The following SPATC1L variants were observed in gnomAD, a reference collection of about 807,000 sequenced individuals.
The protein encoded by SPATC1L is spermatogenesis and centriole associated 1 like.
A neutral mutation model predicts 21.2 loss-of-function variants in SPATC1L; 20 were observed. That is an observed-to-expected ratio of 0.94 (90% CI 0.66 to 1.37). The LOEUF is 1.37. Among genes scored for constraint, SPATC1L ranks in the 40% most tolerant of loss-of-function variants. SPATC1L has a pLI of 0.00. For synonymous variants in SPATC1L, 290 were observed against 234.5 expected, an observed-to-expected ratio of 1.24 and a Z score of -2.16; for missense variants, 499 against 478.7, an observed-to-expected ratio of 1.04 and a Z score of -0.40.
chr21:46,183,974 G>A (rs370494940), intron 1 of SPATC1L, among the ~76,000 whole-genome samples, 200 bp from the exon 2 acceptor site: 12 of 147,600 alleles, frequency 8.1e-5, no homozygotes, highest in African/African-American at 2.2e-4. Flanking sequence ...CCAGTCTTGC[G>A]GGGGAGACCA....
chr21:46,175,399 T>C (rs1569002910), intron 2 of SPATC1L, among the ~76,000 whole-genome samples: 1 of 151,910 alleles, frequency 6.6e-6, no homozygotes, highest in East Asian at 1.9e-4. Flanking sequence ...ATTAATAAAA[T>C]AGATATACCA....
intron 2 of SPATC1L, among the ~76,000 whole-genome samples, chr21:46,171,495 GA>G (rs1180160371): frequency 1.1e-4 from 17 of 151,626 alleles, no homozygotes; most frequent in Admixed American, 3.3e-4. Context: ...GTTTTCCAAG[GA>G]AAAAAAGTTC....
chr21:46,162,145 G>T lies in SPATC1L; in HGVS notation c.545-78C>A, dbSNP rs927821318. On this transcript the variant is annotated intron_variant, in intron 3 of 4. Coordinates refer to ENST00000291672, the MANE Select transcript of SPATC1L (RefSeq NM_001142854.2). The stretch of plus-strand genomic sequence containing the variant: ...CCTCGAGGGTGCCCTCGGCCACGTG[G>T]GGGGCGGCTCCTCCACCCCCCTCCT... 4.2e-6 allele frequency: 6 copies of T among 1,440,404 alleles called. No homozygotes were observed. The South Asian group carries it at 8.1e-5, about 19-fold the overall frequency. 89.2% of individuals were successfully genotyped at this position (1,440,404 alleles called of 1,614,324 possible).
chr21:46,169,162 C>A (rs1311533305), intron 2 of SPATC1L, among the ~76,000 whole-genome samples: 5 of 152,268 alleles, frequency 3.3e-5, no homozygotes, highest in Non-Finnish European at 5.9e-5. Flanking sequence ...ATTTTTAACC[C>A]TTGCCCTATT....
intron 2 of SPATC1L, among the ~76,000 whole-genome samples, chr21:46,170,968 A>G (rs1417486658): frequency 1.8e-4 from 24 of 134,638 alleles, no homozygotes; most frequent in Non-Finnish European, 1.6e-4. Context: ...TGCTCTGTAA[A>G]CATCCTCTGT....
chr21:46,161,273 CGG>C lies in SPATC1L; in HGVS notation c.*104_*105del. 8.8e-7 allele frequency: 1 copy of C among 1,138,312 alleles called. No individual in the cohort carries two copies. The highest frequency in any genetic ancestry group is 2.8e-4 in the Middle Eastern group (1 of 3,568). 70.5% of individuals were successfully genotyped at this position (1,138,312 alleles called of 1,614,324 possible). A position where few individuals can be genotyped will look rare whatever the true frequency, so the allele number is the denominator to read the frequency against. ...GCGGGGCCTTCTCTGGCCTCGCGCG[CGG>C]GGGACGCGGCCCTTTCCCCTCCGGG... On this transcript the variant is annotated 3_prime_UTR_variant, in exon 5 of 5. Transcript: ENST00000291672.
At chr21:46,174,169 A>T (rs2079612322) in intron 2 of SPATC1L, among the ~76,000 whole-genome samples, 1 of 152,008 alleles carries the variant, frequency 6.6e-6, no homozygotes, top group Non-Finnish European at 1.5e-5. Flanking sequence ...CTCTACTAAA[A>T]AATAGAAAAA....
rs753513638 is a variant in SPATC1L at position 46,168,302 on chromosome 21, C to T, written c.544+6G>A. On this transcript the variant is annotated splice_donor_region_variant and intron_variant, in intron 3 of 4. Coordinates refer to ENST00000291672, the MANE Select transcript of SPATC1L (RefSeq NM_001142854.2). ...CCCCCCCAGGTGCCCCCGCACCCGGCCATACCATTGAGGTAGTAGCTCCTC... is the reference window on the plus strand; with the variant it reads ...CCCCCCCAGGTGCCCCCGCACCCGGTCATACCATTGAGGTAGTAGCTCCTC... 7.0e-6 allele frequency: 11 copies of T among 1,562,800 alleles called. No homozygotes were observed. The Admixed American group carries it at 1.2e-4, about 17-fold the overall frequency.
chr21:46,182,561 C>G, intron 2 of SPATC1L, 63 bp downstream of exon 2: 1 of 1,395,212 alleles, frequency 7.2e-7, no homozygotes, highest in Non-Finnish European at 9.4e-7. Flanking sequence ...CCTCGACTCC[C>G]GGGGAGCAGG....
intron 3 of SPATC1L, among the ~76,000 whole-genome samples, chr21:46,164,877 A>C (rs74406848): frequency 0.1 from 15,795 of 151,734 alleles, 1,442 homozygotes; most frequent in African/African-American, 0.24. Context: ...ATCCTATAGA[A>C]GAGAAATGAT....
At chr21:46,162,981 C>T (rs902017376) in intron 3 of SPATC1L, among the ~76,000 whole-genome samples, 2 of 151,424 alleles carry the variant, frequency 1.3e-5, no homozygotes, top group African/African-American at 4.8e-5. Context: ...CCAGGACAGC[C>T]TCTGATGGCA....
chr21:46,161,606 A>T lies in SPATC1L; in HGVS notation c.796T>A (p.Tyr266Asn). The T allele has an allele frequency of 6.2e-7, 1 of 1,610,532 alleles. No individual in the cohort carries two copies. The highest frequency in any genetic ancestry group is 8.5e-7 in the Non-Finnish European group (1 of 1,179,084). ...AACGCCGGGTGCACGTCGCGGCTGTAGCCCAGCTTCTCCAGGCGCGCGCTC... is the reference window on the plus strand; with the variant it reads ...AACGCCGGGTGCACGTCGCGGCTGTTGCCCAGCTTCTCCAGGCGCGCGCTC... ...ALSARLEKLG[Y>N]SRDVHPAFSE... Residue 266 changes from tyrosine to asparagine, a missense_variant, in exon 5 of 5, where the codon TAC (tyrosine) becomes AAC (asparagine). Transcript: ENST00000291672.
chr21:46,168,786 T>A, intron 2 of SPATC1L, 128 bp from the exon 3 acceptor site: 1 of 528,228 alleles, frequency 1.9e-6, no homozygotes, highest in Non-Finnish European at 2.9e-6. Context: ...GGGGTTTCCC[T>A]GGCTTCAGAG....
intron 3 of SPATC1L, among the ~76,000 whole-genome samples, chr21:46,165,936 C>A (rs1000245231): frequency 6.6e-6 from 1 of 152,130 alleles, no homozygotes; most frequent in South Asian, 2.1e-4. Flanking sequence ...GTAGTTTCAG[C>A]GGTGAATTCT....
At chr21:46,167,575 G>A (rs1296587577) in intron 3 of SPATC1L, among the ~76,000 whole-genome samples, 2 of 152,224 alleles carry the variant, frequency 1.3e-5, no homozygotes, top group African/African-American at 4.8e-5. Context: ...AGCATTTTGG[G>A]AGGCCGAGGC....
chr21:46,161,316 C>T lies in SPATC1L; in HGVS notation c.*63G>A, dbSNP rs925258545. On this transcript the variant is annotated 3_prime_UTR_variant, in exon 5 of 5. Coordinates refer to ENST00000291672, the MANE Select transcript of SPATC1L (RefSeq NM_001142854.2). ...CCCCTCCGGGGGGACGCGCAGGAGG[C>T]ACCGCGGCCCCGGGTTGGAACAAAC... 1 of 1,406,672 alleles carries T rather than the reference C, an allele frequency of 7.1e-7. No homozygotes were observed. Among genetic ancestry groups the T allele is most frequent in the East Asian group, 2.5e-5 (1 of 39,402 alleles). 87.1% of individuals were successfully genotyped at this position (1,406,672 alleles called of 1,614,324 possible).
chr21:46,173,264 AGGGCAGTCTTGGGTGCCC>A (rs1425559241), intron 2 of SPATC1L, among the ~76,000 whole-genome samples: 1 of 152,142 alleles, frequency 6.6e-6, no homozygotes, highest in Non-Finnish European at 1.5e-5. Flanking sequence ...GCCTGCTTGC[AGGGCAGTCTTGGGTGCCC>A]TGGGGGTCTT....
At chr21:46,166,769 G>C (rs970930737) in intron 3 of SPATC1L, among the ~76,000 whole-genome samples, 1 of 152,176 alleles carries the variant, frequency 6.6e-6, no homozygotes, top group Non-Finnish European at 1.5e-5. Flanking sequence ...GGAGCACCCA[G>C]ATATGTAAAG....
At chr21:46,180,307 A>G (rs1022732938) in intron 2 of SPATC1L, among the ~76,000 whole-genome samples, 1 of 152,062 alleles carries the variant, frequency 6.6e-6, no homozygotes, top group Non-Finnish European at 1.5e-5. Flanking sequence ...TAGGTGGACC[A>G]AAAAGATACA....
Sources: allele counts gnomAD v4.1 joint callset (sites outside exome capture counted in the v4.1 genomes callset), GRCh38; gene constraint gnomAD v4.1.1; transcripts MANE v1.5; gene names NCBI Gene and HGNC (gene_info 2026-07-23, HGNC 2026-07-21).